The following ZXDC variants were observed in gnomAD, a reference collection of about 807,000 sequenced individuals.
ZXDC encodes zinc finger protein ZXDC.
A neutral mutation model predicts 63.6 loss-of-function variants in ZXDC; 58 were observed. The ratio of observed to expected loss-of-function variants is 0.91; its 90% CI spans 0.74 to 1.13. The LOEUF is 1.13. Among genes scored for constraint, ZXDC ranks in the 50% most tolerant of loss-of-function variants. The pLI, the probability that ZXDC is intolerant of heterozygous loss-of-function variation, is 0.00. For missense variants in ZXDC, 1,133 were observed against 1,148.9 expected (o/e 0.99, Z 0.20); for synonymous variants, 561 against 496.1 (o/e 1.13, Z -1.74).
At chr3:126,460,469 C>CAA (rs767646184) in intron 6 of ZXDC, 143 of 985,278 alleles carry the variant, frequency 1.5e-4, no homozygotes, top group Non-Finnish European at 1.6e-4. Flanking sequence ...GGGTTAAGAC[C>CAA]AAGGTCTTGC....
At chr3:126,454,685 C>A in intron 7 of ZXDC, 1 of 985,430 alleles carries the variant, frequency 1.0e-6, no homozygotes, top group Non-Finnish European at 1.2e-6. Flanking sequence ...GCTGCTGTCT[C>A]CTCTGATAAG....
chr3:126,439,766 G>C (rs968644559), intron 8 of ZXDC, 39 bp from the exon 9 acceptor site: 3 of 1,540,010 alleles, frequency 1.9e-6, no homozygotes, highest in African/African-American at 1.4e-5. Flanking sequence ...ACATGTCTGT[G>C]AGAGTGCAGC....
At chr3:126,443,639 T>C (rs1190782191) in intron 7 of ZXDC, among the ~76,000 whole-genome samples, 5 of 152,114 alleles carry the variant, frequency 3.3e-5, no homozygotes, top group Non-Finnish European at 5.9e-5. Context: ...CTGCAAAAAA[T>C]GAAGCGTGCC....
chr3:126,462,153 T>C lies in ZXDC; in HGVS notation c.1509A>G (p.Gln503=), dbSNP rs377627665. ...CAAGATCCATGTTAGTGAGCTCACT[T>C]TGGCCTGGGCTGCTGAGTTCACTGC... ...TPSSELSSPG[Q]SELTNMDLAA... The change falls in exon 6 of 10, where the codon CAA becomes CAG. Residue 503 remains glutamine (Q), a synonymous_variant. Coordinates refer to ENST00000389709, the MANE Select transcript of ZXDC (RefSeq NM_025112.5). 1 of 1,612,646 alleles carries C rather than the reference T, an allele frequency of 6.2e-7. No individual in the cohort carries two copies. The highest frequency in any genetic ancestry group is 2.2e-5 in the East Asian group (1 of 44,876).
At chr3:126,469,744 C>T (rs565420362) in intron 4 of ZXDC, among the ~76,000 whole-genome samples, 1 of 152,350 alleles carries the variant, frequency 6.6e-6, no homozygotes, top group South Asian at 2.1e-4. Flanking sequence ...CGAGGCCGTT[C>T]TCACCCCGGT....
intron 7 of ZXDC, chr3:126,454,350 T>C (rs904424171): frequency 4.1e-6 from 4 of 985,116 alleles, no homozygotes; most frequent in African/African-American, 3.5e-5. Context: ...TAAATGTCTA[T>C]AGGTCTTATA....
Position 126,453,985 on chromosome 3 carries a change from G to A in ZXDC, c.2212+5668C>T, listed in dbSNP as rs535541887. The stretch of plus-strand genomic sequence containing the variant: ...TGCCTATACATGTATATATATATGT[G>A]TACATATAGGCATATATATATATAA... On this transcript the variant is annotated intron_variant, in intron 7 of 9. Transcript: ENST00000389709. 9.1e-6 allele frequency: 8 copies of A among 878,444 alleles called. No individual in the cohort carries two copies. The South Asian group carries it at 1.6e-4, about 17-fold the overall frequency. 54.4% of individuals were successfully genotyped at this position (878,444 alleles called of 1,614,324 possible). A position where few individuals can be genotyped will look rare whatever the true frequency, so the allele number is the denominator to read the frequency against.
intron 7 of ZXDC, chr3:126,457,358 G>C: frequency 1.0e-6 from 1 of 985,420 alleles, no homozygotes; most frequent in Middle Eastern, 5.2e-4. Context: ...AACCACAGCA[G>C]ACCCATGGGC....
intron 1 of ZXDC, among the ~76,000 whole-genome samples, chr3:126,472,833 C>T (rs1246134692): frequency 2.6e-5 from 4 of 152,190 alleles, no homozygotes; most frequent in Non-Finnish European, 4.4e-5. Flanking sequence ...TTTTTCCTTT[C>T]GCAATTTCCT....
chr3:126,459,432 G>C (rs1934434106), intron 7 of ZXDC: 5 of 985,410 alleles, frequency 5.1e-6, no homozygotes, highest in Non-Finnish European at 6.0e-6. Context: ...CTTTCACAAA[G>C]CTTGTTTAGG....
chr3:126,475,035 G>C lies in ZXDC; in HGVS notation c.831C>G (p.Phe277Leu). ...GGGAGCTGAGCTTGGCGTGCGTGGGGAAGCGCTCGGCGCACACCTCGCACT... is the reference window on the plus strand; with the variant it reads ...GGGAGCTGAGCTTGGCGTGCGTGGGCAAGCGCTCGGCGCACACCTCGCACT... The part of the protein sequence containing the change: ...LFKCEVCAER[F>L]PTHAKLSSHQ... The change falls in exon 1 of 10, where the codon TTC becomes TTG. Residue 277 changes from phenylalanine to leucine, a missense_variant. By Grantham distance (22) the Phe-to-Leu change is conservative. Coordinates refer to ENST00000389709, the MANE Select transcript of ZXDC (RefSeq NM_025112.5). 1 of 1,599,572 alleles carries C rather than the reference G, an allele frequency of 6.3e-7. No individual in the cohort carries two copies. The highest frequency in any genetic ancestry group is 8.5e-7 in the Non-Finnish European group (1 of 1,173,492).
At chr3:126,446,421 C>A (rs369440403) in intron 7 of ZXDC, among the ~76,000 whole-genome samples, 1 of 152,282 alleles carries the variant, frequency 6.6e-6, no homozygotes, top group East Asian at 1.9e-4. Flanking sequence ...CGTGCCATGA[C>A]GAGAATTAGG....
chr3:126,466,361 G>T, intron 4 of ZXDC, 36 bp from the exon 5 acceptor site: 1 of 1,613,020 alleles, frequency 6.2e-7, no homozygotes, highest in South Asian at 1.1e-5. Flanking sequence ...GAAACCCAAG[G>T]ATCACCAAGG....
chr3:126,439,155 AAC>A (rs1933575340), intron 9 of ZXDC, among the ~76,000 whole-genome samples: 1 of 152,260 alleles, frequency 6.6e-6, no homozygotes, highest in Non-Finnish European at 1.5e-5. Context: ...AAAAAACTAA[AAC>A]ACAATTTGCA....
In ZXDC at chr3:126,466,275, T is replaced by G; in HGVS notation, c.1321A>C (p.Lys441Gln). The change falls in exon 5 of 10, where the codon AAA becomes CAA. Residue 441 changes from lysine to glutamine, a missense_variant. Coordinates refer to ENST00000389709, the MANE Select transcript of ZXDC (RefSeq NM_025112.5). ...ARSSLYIHSK[K>Q]HVQDVGAPKS... ...GGAGCACCCACATCCTGCACGTGTT[T>G]CTTAGAGTGAATGTACAGACTGCTA... is the stretch of plus-strand genomic sequence containing the variant. 1.9e-6 allele frequency: 3 copies of G among 1,614,180 alleles called. No individual in the cohort carries two copies. The highest frequency in any genetic ancestry group is 2.5e-6 in the Non-Finnish European group (3 of 1,180,040).
chr3:126,447,656 G>A (rs1447116249), intron 7 of ZXDC, among the ~76,000 whole-genome samples: 4 of 152,204 alleles, frequency 2.6e-5, no homozygotes, highest in Non-Finnish European at 5.9e-5. Flanking sequence ...ACTGACAGCT[G>A]GCTGCTCTCT....
At chr3:126,439,348 C>T (rs150520642) in intron 9 of ZXDC, among the ~76,000 whole-genome samples, 2 of 152,340 alleles carry the variant, frequency 1.3e-5, no homozygotes, top group East Asian at 3.9e-4. Context: ...CCCTGGCCAG[C>T]CCTCTTCCCA....
intron 6 of ZXDC, chr3:126,460,679 GC>G: frequency 1.0e-6 from 1 of 985,352 alleles, no homozygotes; most frequent in Middle Eastern, 5.2e-4. Context: ...GCATGGCTCT[GC>G]CACCGACAAG....
intron 4 of ZXDC, among the ~76,000 whole-genome samples, chr3:126,469,848 T>C (rs551941459): frequency 6.6e-6 from 1 of 152,382 alleles, no homozygotes; most frequent in Admixed American, 6.5e-5. Context: ...GGAGGAACTG[T>C]TTCTCAGTTA....
Sources: gnomAD v4.1 joint callset for allele counts (sites outside exome capture counted in the v4.1 genomes callset) on GRCh38, gnomAD v4.1.1 for gene constraint, MANE v1.5 for transcripts, NCBI Gene and HGNC (gene_info 2026-07-23, HGNC 2026-07-21) for gene names.